KCNQ5: variants seen among roughly 807,000 people sequenced by gnomAD.
The protein encoded by KCNQ5 is potassium voltage-gated channel subfamily KQT member 5.
Under a neutral mutation model 98.2 loss-of-function variants are expected in KCNQ5, and 30 were observed. That is an observed-to-expected ratio of 0.31 (90% CI 0.23 to 0.41). The LOEUF is 0.41. Ranked by LOEUF, KCNQ5 falls within the 10% of genes least tolerant of loss-of-function variation. The pLI, the probability that KCNQ5 is intolerant of heterozygous loss-of-function variation, is 1.00. For missense variants in KCNQ5, 835 were observed against 1,182.5 expected (o/e 0.71, Z 4.31); for synonymous variants, 458 against 449.4 (o/e 1.02, Z -0.24).
At chr6:72,927,554 A>G (rs1330998085) in intron 1 of KCNQ5, among the ~76,000 whole-genome samples, 1 of 152,082 alleles carries the variant, frequency 6.6e-6, no homozygotes, top group East Asian at 1.9e-4. Context: ...GTCTCACAAC[A>G]GAATCACATC....
intron 1 of KCNQ5, among the ~76,000 whole-genome samples, chr6:72,643,716 A>G (rs1436430607): frequency 2.0e-5 from 3 of 152,198 alleles, no homozygotes; most frequent in African/African-American, 4.8e-5. Context: ...ACTCAAACCT[A>G]TCAATCTGTT....
At chr6:73,036,942 G>A (rs1771460365) in intron 2 of KCNQ5, among the ~76,000 whole-genome samples, 1 of 152,166 alleles carries the variant, frequency 6.6e-6, no homozygotes, top group Non-Finnish European at 1.5e-5. Context: ...GGACCATACT[G>A]TTTTACATTC....
intron 1 of KCNQ5, among the ~76,000 whole-genome samples, chr6:72,985,243 G>A (rs1352579964): frequency 6.6e-6 from 1 of 152,070 alleles, no homozygotes; most frequent in Non-Finnish European, 1.5e-5. Context: ...AAAGAACGTA[G>A]GAAGAAATCA....
intron 1 of KCNQ5, among the ~76,000 whole-genome samples, chr6:72,711,240 G>A (rs189561156): frequency 1.3e-5 from 2 of 151,882 alleles, no homozygotes; most frequent in Non-Finnish European, 2.9e-5. Flanking sequence ...GCAAGAAGTA[G>A]CCATTTACAA....
chr6:73,015,734 C>G (rs1379408298), intron 2 of KCNQ5, among the ~76,000 whole-genome samples: 2 of 152,042 alleles, frequency 1.3e-5, no homozygotes, highest in Non-Finnish European at 2.9e-5. Context: ...GAAAGAGAAA[C>G]AAGGTAGTAT....
intron 1 of KCNQ5, among the ~76,000 whole-genome samples, chr6:72,887,988 A>G (rs1435348317): frequency 2.0e-5 from 3 of 152,190 alleles, no homozygotes; most frequent in Admixed American, 1.3e-4. Flanking sequence ...AAAATATAAC[A>G]CATTAATATT....
At chr6:72,667,601 G>A (rs1018279675) in intron 1 of KCNQ5, among the ~76,000 whole-genome samples, 1 of 152,104 alleles carries the variant, frequency 6.6e-6, no homozygotes, top group Non-Finnish European at 1.5e-5. Context: ...CGAAGAAAAA[G>A]ATAGTCACTT....
chr6:73,154,038 T>C (rs997928165), intron 10 of KCNQ5, among the ~76,000 whole-genome samples: 6 of 152,196 alleles, frequency 3.9e-5, no homozygotes, highest in African/African-American at 1.4e-4. Context: ...TATTTAACTT[T>C]GAAACCAATA....
At chr6:73,149,075 C>T (rs6919701) in intron 10 of KCNQ5, among the ~76,000 whole-genome samples, 1,689 of 152,242 alleles carry the variant, frequency 0.011, 38 homozygotes, top group African/African-American at 0.039. Flanking sequence ...GTAGAAAATA[C>T]TGTATCTACC....
chr6:72,656,441 A>C (rs1462071367), intron 1 of KCNQ5, among the ~76,000 whole-genome samples: 1 of 152,226 alleles, frequency 6.6e-6, no homozygotes, highest in African/African-American at 2.4e-5. Context: ...TTTAATTTTC[A>C]TGAAGCTCAG....
intron 1 of KCNQ5, among the ~76,000 whole-genome samples, chr6:72,886,727 G>A (rs963301323): frequency 6.6e-6 from 1 of 152,112 alleles, no homozygotes; most frequent in African/African-American, 2.4e-5. Flanking sequence ...ACAATTCTTA[G>A]CAATAACGGA....
intron 9 of KCNQ5, among the ~76,000 whole-genome samples, chr6:73,125,826 T>C (rs1313774340): frequency 5.4e-5 from 1 of 18,456 alleles, no homozygotes; most frequent in Non-Finnish European, 1.1e-4. Context: ...TTCTCTTATT[T>C]GGTAGCTCTA....
At chr6:72,825,152 A>G (rs539680090) in intron 1 of KCNQ5, among the ~76,000 whole-genome samples, 134 of 151,560 alleles carry the variant, frequency 8.8e-4, no homozygotes, top group Non-Finnish European at 3.1e-4. Context: ...AACAACAACA[A>G]CAAAAAAACG....
intron 1 of KCNQ5, among the ~76,000 whole-genome samples, chr6:72,951,853 A>G (rs943938734): frequency 3.3e-5 from 5 of 152,224 alleles, no homozygotes; most frequent in African/African-American, 1.2e-4. Context: ...GAAGAGTGTA[A>G]TGTACTTCTA....
intron 3 of KCNQ5, among the ~76,000 whole-genome samples, chr6:73,063,070 T>A (rs1438074423): frequency 6.6e-6 from 1 of 152,204 alleles, no homozygotes; most frequent in Non-Finnish European, 1.5e-5. Flanking sequence ...TACTCTTCCA[T>A]ATTTAGTTAA....
At chr6:73,052,085 C>T (rs1215691196) in intron 3 of KCNQ5, among the ~76,000 whole-genome samples, 1 of 152,078 alleles carries the variant, frequency 6.6e-6, no homozygotes, top group Non-Finnish European at 1.5e-5. Flanking sequence ...TCAAGAATTC[C>T]AGAATACAAT....
At chr6:72,645,605 C>G (rs940727074) in intron 1 of KCNQ5, among the ~76,000 whole-genome samples, 3 of 152,040 alleles carry the variant, frequency 2.0e-5, no homozygotes, top group African/African-American at 7.2e-5. Context: ...ACCTGCATCT[C>G]CCTCATAGAA....
At chr6:72,976,930 C>G (rs1004605234) in intron 1 of KCNQ5, among the ~76,000 whole-genome samples, 1 of 152,160 alleles carries the variant, frequency 6.6e-6, no homozygotes, top group African/African-American at 2.4e-5. Context: ...TTAGACCAAG[C>G]CAGATTACTT....
chr6:72,973,309 A>T (rs57782181), intron 1 of KCNQ5, among the ~76,000 whole-genome samples: 8 of 152,102 alleles, frequency 5.3e-5, no homozygotes, highest in African/African-American at 1.2e-4. Flanking sequence ...TACTGTGAAC[A>T]TAAACTTCTC....
Sources: allele counts gnomAD v4.1 joint callset (sites outside exome capture counted in the v4.1 genomes callset), GRCh38; gene constraint gnomAD v4.1.1; transcripts MANE v1.5; gene names NCBI Gene and HGNC (gene_info 2026-07-23, HGNC 2026-07-21).